RIF1: variants seen among roughly 807,000 people sequenced by gnomAD.
The protein encoded by RIF1 is telomere-associated protein RIF1.
In RIF1, 45 loss-of-function variants were observed where a neutral mutation model predicts 247.1. The observed-to-expected ratio is 0.18, with a 90% CI of 0.14 to 0.23. The LOEUF is 0.23. Among genes scored for constraint, RIF1 ranks in the 10% least tolerant of loss-of-function variants. RIF1 has a pLI of 1.00. For missense variants in RIF1, 2,967 were observed against 2,862.5 expected, an observed-to-expected ratio of 1.04 and a Z score of -0.83; for synonymous variants, 1,087 against 978.8, an observed-to-expected ratio of 1.11 and a Z score of -2.06.
In RIF1 at chr2:151,502,898, AG is replaced by A. The variant is rs2065822672; in HGVS notation, c.*710-135del. On this transcript the variant is annotated intron_variant and NMD_transcript_variant, in intron 11 of 13. Transcript: ENST00000454583. Reference sequence around the variant, plus strand: ...CTTTGTACAAAACCTGTGAGATACAAGAAAGTACCCAGAGGACATTTAAAAC... The same window carrying A: ...CTTTGTACAAAACCTGTGAGATACAAAAAGTACCCAGAGGACATTTAAAAC... The A allele has an allele frequency of 4.0e-6, 6 of 1,485,824 alleles. No individual in the cohort carries two copies. The Admixed American group carries it at 1.0e-4, about 26-fold the overall frequency. The allele number at this position is 1,485,824 out of a possible 1,614,324, so 92.0% of individuals were successfully genotyped here. A position where few individuals can be genotyped will look rare whatever the true frequency, so the allele number is the denominator to read the frequency against.
At chr2:151,508,759 C>T (rs776871012), downstream of RIF1, among the ~76,000 whole-genome samples, 3 of 152,238 alleles carry the variant, frequency 2.0e-5, no homozygotes, top group Non-Finnish European at 2.9e-5. Context: ...TGGCCAAGGA[C>T]TGCTCTGAAC....
At position 151,476,420 on chromosome 2, in the gene RIF1, C is replaced by T. The variant is rs1417937060; in HGVS notation, c.*1349C>T. 2.6e-5 allele frequency: 4 copies of T among 152,104 alleles called. No homozygotes were observed. The highest frequency in any genetic ancestry group is 9.7e-5 in the African/African-American group (4 of 41,436). The allele number at this position is 152,104 out of a possible 1,614,324, so 9.4% of individuals were successfully genotyped here. A position where few individuals can be genotyped will look rare whatever the true frequency, so the allele number is the denominator to read the frequency against. ...TCTTTTTAACTGACAGTATATCTCA[C>T]TTCTTCTTTGAATAGAATGAGTGAG... On this transcript the variant is annotated 3_prime_UTR_variant, in exon 36 of 36. Coordinates refer to ENST00000444746, the MANE Select transcript of RIF1 (RefSeq NM_018151.5).
chr2:151,428,933 T>C lies in RIF1; in HGVS notation c.925+11T>C. The stretch of plus-strand genomic sequence containing the variant: ...TTGCTTTAAATCCAGGTAAGTAATA[T>C]TTTAACAATTTTGATTTTCTGTGAA... On this transcript the variant is annotated intron_variant, in intron 9 of 35. Transcript: ENST00000444746. 1 of 1,398,354 alleles carries C rather than the reference T, an allele frequency of 7.2e-7. No individual in the cohort carries two copies. 86.6% of individuals were successfully genotyped at this position (1,398,354 alleles called of 1,614,324 possible).
intron 30 of RIF1, among the ~76,000 whole-genome samples, chr2:151,466,668 AT>A (rs1696952953): frequency 2.0e-5 from 3 of 152,246 alleles, no homozygotes; most frequent in African/African-American, 7.2e-5. Flanking sequence ...GATTATCTAT[AT>A]ATCTGCTTTA....
chr2:151,435,622 C>A (rs1691029908), intron 11 of RIF1, 42 bp downstream of exon 11: 1 of 1,043,886 alleles, frequency 9.6e-7, no homozygotes, highest in African/African-American at 1.6e-5. Flanking sequence ...TTTAATCAGG[C>A]TTTGTTGACC....
At chr2:151,458,658 TCA>T in intron 24 of RIF1, among the ~76,000 whole-genome samples, 151 bp from the exon 25 acceptor site, 2 of 152,348 alleles carry the variant, frequency 1.3e-5, no homozygotes, top group East Asian at 3.9e-4. Context: ...CTAATTTTTC[TCA>T]GTTTTATATA....
the RIF1 span, chr2:151,514,894 T>C: frequency 3.9e-5 from 62 of 1,583,218 alleles, no homozygotes; most frequent in Non-Finnish European, 5.2e-5. Flanking sequence ...GTTTCTGCCT[T>C]TAATGGACTC....
chr2:151,500,593 CTTT>C (rs11428843), intron 11 of RIF1, among the ~76,000 whole-genome samples: 6 of 118,428 alleles, frequency 5.1e-5, no homozygotes, highest in East Asian at 2.5e-4. Context: ...TTCTTTCTTC[CTTT>C]TTTTTTTTTT....
Position 151,438,474 on chromosome 2 carries a change from G to C in RIF1, c.1484-210G>C, listed in dbSNP as rs150785427. On this transcript the variant is annotated intron_variant, in intron 13 of 35. Coordinates refer to ENST00000444746, the MANE Select transcript of RIF1 (RefSeq NM_018151.5). ...GCCTGGACAGAGCAAGACCCTGTCT[G>C]AAAAAAATAAACCATATTTAGTTTC... Among the ~76,000 whole-genome samples, 353 of 152,136 alleles carry C rather than the reference G, an allele frequency of 2.3e-3. 9 individuals carry two copies. In the East Asian group the frequency reaches 0.046, roughly 20 times the overall value.
rs777589876 is a variant in RIF1, at chr2:151,503,463, C to T, written c.*861+278C>T. ...TAACCTGTAGAAAATAATTAGAATA[C>T]CCAGAAAGGTAAAATGACCGTAAAT... On this transcript the variant is annotated intron_variant and NMD_transcript_variant, in intron 12 of 13. Transcript: ENST00000454583. 7.3e-6 allele frequency: 11 copies of T among 1,510,250 alleles called. No homozygotes were observed. The South Asian group carries it at 1.1e-4, about 16-fold the overall frequency. The allele number at this position is 1,510,250 out of a possible 1,614,324, so 93.6% of individuals were successfully genotyped here.
At chr2:151,513,634 G>A in the RIF1 span, 1 of 1,610,508 alleles carries the variant, frequency 6.2e-7, no homozygotes, top group Non-Finnish European at 8.5e-7. Context: ...GAGTTTCATT[G>A]GCCATGGCAT....
chr2:151,482,928 C>T (rs2049227310), downstream of RIF1, among the ~76,000 whole-genome samples: 1 of 152,080 alleles, frequency 6.6e-6, no homozygotes, highest in South Asian at 2.1e-4. Context: ...GGTATTTCCC[C>T]AATCTCCCAT....
rs772534874 is a variant in RIF1 at position 151,464,731 on chromosome 2, A to G, written c.5211A>G (p.Glu1737=). 1 of 1,613,556 alleles carries G rather than the reference A, an allele frequency of 6.2e-7. No individual in the cohort carries two copies. Among genetic ancestry groups the G allele is most frequent in the Non-Finnish European group, 8.5e-7 (1 of 1,179,794 alleles). Reference sequence around the variant, plus strand: ...CTAAAGGTTGTGATTGCTGTGGGGAAAAATCACAACCTCAGGAAAAGTCAC... The same window carrying G: ...CTAAAGGTTGTGATTGCTGTGGGGAGAAATCACAACCTCAGGAAAAGTCAC... ...RRSKGCDCCG[E]KSQPQEKSLI... The change falls in exon 30 of 36, where the codon GAA becomes GAG. Residue 1737 remains glutamate, a synonymous_variant. Coordinates refer to ENST00000444746, the MANE Select transcript of RIF1 (RefSeq NM_018151.5).
chr2:151,443,215 C>T (rs1163271476), intron 16 of RIF1, 44 bp from the exon 17 acceptor site: 2 of 1,175,772 alleles, frequency 1.7e-6, no homozygotes, highest in Admixed American at 2.1e-5. Flanking sequence ...AACAAATGTT[C>T]TATTCTTTGT....
At chr2:151,416,162 GT>G (rs1195194468) in intron 4 of RIF1, among the ~76,000 whole-genome samples, 2 of 152,218 alleles carry the variant, frequency 1.3e-5, no homozygotes, top group African/African-American at 4.8e-5. Context: ...GTTACCATCT[GT>G]TTTTGAGGGA....
At chr2:151,512,132 G>A (rs575985689), downstream of RIF1, among the ~76,000 whole-genome samples, 5 of 145,480 alleles carry the variant, frequency 3.4e-5, no homozygotes, top group Non-Finnish European at 6.0e-5. Flanking sequence ...CCGGGTTCAC[G>A]CCATTCTCCT....
At chr2:151,450,908 TC>T (rs1402887011) in intron 20 of RIF1, among the ~76,000 whole-genome samples, 1 of 152,216 alleles carries the variant, frequency 6.6e-6, no homozygotes, top group Non-Finnish European at 1.5e-5. Flanking sequence ...ATGTTTTGTT[TC>T]CACTGGGTTT....
At chr2:151,527,327 C>T in the RIF1 span, among the ~76,000 whole-genome samples, 2 of 152,184 alleles carry the variant, frequency 1.3e-5, no homozygotes, top group Non-Finnish European at 2.9e-5. Context: ...GGGTTCTGAG[C>T]TCGCCTATCG....
chr2:151,499,725 G>C (rs1026584647), intron 11 of RIF1, among the ~76,000 whole-genome samples: 19 of 152,186 alleles, frequency 1.2e-4, no homozygotes, highest in Non-Finnish European at 2.6e-4. Flanking sequence ...AGATTAGCAA[G>C]TATTTATTTT....
Sources: allele counts gnomAD v4.1 joint callset (sites outside exome capture counted in the v4.1 genomes callset), GRCh38; gene constraint gnomAD v4.1.1; transcripts MANE v1.5; gene names NCBI Gene and HGNC (gene_info 2026-07-23, HGNC 2026-07-21).